SORCS3: variants seen among roughly 807,000 people sequenced by gnomAD.
The protein encoded by SORCS3 is VPS10 domain-containing receptor SorCS3.
Under a neutral mutation model 146.3 loss-of-function variants are expected in SORCS3, and 57 were observed. The observed-to-expected ratio is 0.39, with a 90% CI of 0.31 to 0.49. SORCS3 has a LOEUF of 0.49. SORCS3 is among the 20% of genes least tolerant of loss of function. SORCS3 has a pLI of 0.92. For synonymous variants in SORCS3, 653 were observed against 618.5 expected (o/e 1.06, Z -0.83); for missense variants, 1,341 against 1,575.5 (o/e 0.85, Z 2.52).
intron 7 of SORCS3, among the ~76,000 whole-genome samples, chr10:105,106,208 T>TTTCCCACACTCTGCCTTTCCATCC (rs2055820624): frequency 6.6e-6 from 1 of 152,204 alleles, no homozygotes; most frequent in South Asian, 2.1e-4. Flanking sequence ...GCAACCTTGA[T>TTTCCCACACTCTGCCTTTCCATCC]TTCCCACACT....
intron 12 of SORCS3, among the ~76,000 whole-genome samples, chr10:105,166,402 G>A (rs962554645): frequency 3.0e-4 from 45 of 152,134 alleles, no homozygotes; most frequent in African/African-American, 9.9e-4. Flanking sequence ...ATCTACAGTC[G>A]AGATTAGTTC....
intron 2 of SORCS3, among the ~76,000 whole-genome samples, chr10:104,882,951 C>T (rs965427352): frequency 1.3e-5 from 2 of 152,248 alleles, no homozygotes; most frequent in African/African-American, 4.8e-5. Context: ...TGGAAGAAAT[C>T]ATTCTGCTTT....
intron 1 of SORCS3, among the ~76,000 whole-genome samples, chr10:104,781,029 T>C (rs2017368201): frequency 6.6e-6 from 1 of 152,236 alleles, no homozygotes; most frequent in Non-Finnish European, 1.5e-5. Flanking sequence ...TGGTAATAGA[T>C]GGAAAGTATT....
At chr10:104,860,611 A>G (rs934785476) in intron 2 of SORCS3, among the ~76,000 whole-genome samples, 4 of 152,210 alleles carry the variant, frequency 2.6e-5, no homozygotes, top group Non-Finnish European at 5.9e-5. Context: ...AAACAACAAC[A>G]GCAGCATCAA....
chr10:104,716,377 A>C (rs1050646318), intron 1 of SORCS3, among the ~76,000 whole-genome samples: 3 of 152,148 alleles, frequency 2.0e-5, no homozygotes, highest in African/African-American at 7.2e-5. Flanking sequence ...TTGTTGAGTG[A>C]TGGGGTGCAT....
chr10:104,925,544 G>C (rs1453599581), intron 3 of SORCS3, among the ~76,000 whole-genome samples: 1 of 152,170 alleles, frequency 6.6e-6, no homozygotes, highest in African/African-American at 2.4e-5. Flanking sequence ...GCAGATGAGT[G>C]GGGAAATGAA....
intron 2 of SORCS3, among the ~76,000 whole-genome samples, chr10:104,875,654 G>A (rs2018564107): frequency 6.6e-6 from 1 of 152,192 alleles, no homozygotes; most frequent in South Asian, 2.1e-4. Context: ...TAAGTTGTGA[G>A]TGAGACCCAG....
chr10:105,159,048 T>A (rs538773829), intron 11 of SORCS3, 54 bp downstream of exon 11: 1 of 1,337,510 alleles, frequency 7.5e-7, no homozygotes, highest in African/African-American at 1.5e-5. Flanking sequence ...TAGAATAAAT[T>A]TGTCACCTCT....
chr10:105,114,129 T>A (rs2133759742), intron 7 of SORCS3, among the ~76,000 whole-genome samples: 1 of 152,238 alleles, frequency 6.6e-6, no homozygotes, highest in East Asian at 1.9e-4. Context: ...ACAAGAACAG[T>A]CCCTTAGTAA....
chr10:104,759,914 A>G (rs1017843642), intron 1 of SORCS3, among the ~76,000 whole-genome samples: 1 of 152,216 alleles, frequency 6.6e-6, no homozygotes, highest in Non-Finnish European at 1.5e-5. Flanking sequence ...AGTGGACAGA[A>G]TAATTTCAGA....
At chr10:104,817,933 C>T (rs1589510695) in intron 1 of SORCS3, among the ~76,000 whole-genome samples, 1 of 151,970 alleles carries the variant, frequency 6.6e-6, no homozygotes, top group Non-Finnish European at 1.5e-5. Flanking sequence ...TAGAAGCTTT[C>T]CCTGAGCTTT....
intron 1 of SORCS3, among the ~76,000 whole-genome samples, chr10:104,695,219 G>C (rs951990105): frequency 6.6e-6 from 1 of 152,046 alleles, no homozygotes; most frequent in South Asian, 2.1e-4. Flanking sequence ...TCACTTATAG[G>C]AAGAGATTAA....
chr10:105,186,012 T>G (rs2119580397), intron 14 of SORCS3, among the ~76,000 whole-genome samples: 1 of 152,312 alleles, frequency 6.6e-6, no homozygotes, highest in Non-Finnish European at 1.5e-5. Context: ...TATGCACAAT[T>G]TATTTATCTA....
At chr10:105,168,291 A>C (rs989334892) in intron 13 of SORCS3, among the ~76,000 whole-genome samples, 2 of 152,176 alleles carry the variant, frequency 1.3e-5, no homozygotes, top group African/African-American at 4.8e-5. Flanking sequence ...TATATGCAAG[A>C]CCTTCCACAA....
chr10:104,988,100 A>G (rs935225880), intron 4 of SORCS3, among the ~76,000 whole-genome samples: 10 of 152,198 alleles, frequency 6.6e-5, no homozygotes, highest in Admixed American at 2.0e-4. Context: ...TCCAAGATAC[A>G]GAGGAGCATA....
intron 23 of SORCS3, 142 bp downstream of exon 23, chr10:105,253,048 C>T: frequency 2.2e-6 from 2 of 912,688 alleles, no homozygotes; most frequent in Non-Finnish European, 3.2e-6. Flanking sequence ...TCACCCTTAC[C>T]CAGAGTAAAT....
chr10:104,806,157 T>G (rs548866207), intron 1 of SORCS3, among the ~76,000 whole-genome samples: 23 of 152,328 alleles, frequency 1.5e-4, no homozygotes, highest in African/African-American at 4.6e-4. Context: ...TAAGACCACA[T>G]GGCTAGTAAT....
chr10:104,805,583 G>C lies in SORCS3; in HGVS notation c.628-37209G>C, dbSNP rs1589505810. 2.0e-5 allele frequency among the ~76,000 whole-genome samples: 3 copies of C among 152,146 alleles called. No individual in the cohort carries two copies. The East Asian group carries it at 5.8e-4, about 29-fold the overall frequency. Reference sequence around the variant, plus strand: ...TGGGAGGTAGTAGGGAGAAATGTCAGTTTCCAAGTGGTGTGTGATAGAATT... The same window carrying C: ...TGGGAGGTAGTAGGGAGAAATGTCACTTTCCAAGTGGTGTGTGATAGAATT... On this transcript the variant is annotated intron_variant, in intron 1 of 26. Transcript: ENST00000369701.
chr10:105,211,683 G>A (rs2056634965), intron 17 of SORCS3, among the ~76,000 whole-genome samples: 1 of 152,164 alleles, frequency 6.6e-6, no homozygotes, highest in Non-Finnish European at 1.5e-5. Context: ...GGAATTCCTG[G>A]AATAAAAATG....
Sources: allele counts gnomAD v4.1 joint callset (sites outside exome capture counted in the v4.1 genomes callset), GRCh38; gene constraint gnomAD v4.1.1; transcripts MANE v1.5; gene names NCBI Gene and HGNC (gene_info 2026-07-23, HGNC 2026-07-21).